The following NBAS variants were observed in gnomAD, a reference collection of about 807,000 sequenced individuals.
The protein encoded by NBAS is NBAS subunit of NRZ tethering complex.
NBAS carries 219 observed loss-of-function variants against 302.5 expected under a neutral mutation model. The ratio of observed to expected loss-of-function variants is 0.72; its 90% CI spans 0.65 to 0.81. The LOEUF is 0.81. Ranked by LOEUF, NBAS falls within the 30% of genes least tolerant of loss-of-function variation. The pLI is 0.00. For synonymous variants in NBAS, 1,118 were observed against 1,021.6 expected, an observed-to-expected ratio of 1.09 and a Z score of -1.80; for missense variants, 2,932 against 2,841.6, an observed-to-expected ratio of 1.03 and a Z score of -0.72.
the NBAS span, among the ~76,000 whole-genome samples, chr2:14,860,251 G>C: frequency 6.6e-6 from 1 of 152,090 alleles, no homozygotes; most frequent in African/African-American, 2.4e-5. Flanking sequence ...ATTAACTATA[G>C]CCACTATAGA....
chr2:15,169,329 C>G (rs1289820085), intron 51 of NBAS, among the ~76,000 whole-genome samples: 1 of 152,190 alleles, frequency 6.6e-6, no homozygotes, highest in Non-Finnish European at 1.5e-5. Flanking sequence ...GTTCAATGGA[C>G]TTGCTTTTGT....
At position 15,374,578 on chromosome 2, in the gene NBAS, T is replaced by C. The variant is rs774798856; in HGVS notation, c.3703+30A>G. The C allele has an allele frequency of 1.5e-5, 24 of 1,555,724 alleles. No individual in the cohort carries two copies. The South Asian group carries it at 2.3e-4, about 15-fold the overall frequency. ...AGTAAATTGCTGCAATATAAGTTAG[T>C]AACAATGCAACAGTAAGTAGAAAAC... On this transcript the variant is annotated intron_variant, in intron 31 of 51. Transcript: ENST00000281513.
chr2:15,305,112 G>A (rs1414199892), intron 40 of NBAS, among the ~76,000 whole-genome samples: 3 of 152,118 alleles, frequency 2.0e-5, no homozygotes, highest in Non-Finnish European at 4.4e-5. Context: ...GAGGCCAGAG[G>A]CAGAATGATA....
intron 48 of NBAS, among the ~76,000 whole-genome samples, chr2:15,199,336 C>T (rs1040621866): frequency 1.3e-5 from 2 of 151,964 alleles, no homozygotes; most frequent in African/African-American, 2.4e-5. Flanking sequence ...AATTTGAATT[C>T]GCCAAAATAC....
chr2:15,175,561 TACGGTTTTGAAA>T (rs1305747699), intron 51 of NBAS, among the ~76,000 whole-genome samples: 1 of 152,138 alleles, frequency 6.6e-6, no homozygotes. Flanking sequence ...TTAGAGAGAA[TACGGTTTTGAAA>T]GTGAGCTCTC....
intron 44 of NBAS, among the ~76,000 whole-genome samples, chr2:15,246,907 C>G (rs1004848666): frequency 1.3e-5 from 2 of 152,152 alleles, no homozygotes; most frequent in African/African-American, 4.8e-5. Flanking sequence ...GCATGATCAT[C>G]CTACAACTAC....
At chr2:15,065,691 AG>A in the NBAS span, among the ~76,000 whole-genome samples, 1 of 151,792 alleles carries the variant, frequency 6.6e-6, no homozygotes, top group Non-Finnish European at 1.5e-5. Context: ...AGGAGGCAAA[AG>A]TCTCCTTGGA....
At chr2:14,891,329 A>G in the NBAS span, among the ~76,000 whole-genome samples, 18 of 151,742 alleles carry the variant, frequency 1.2e-4, no homozygotes, top group Non-Finnish European at 2.4e-4. Context: ...GTGCTTTAAA[A>G]TGTTTGATTT....
At chr2:15,436,009 C>G (rs1329478787) in intron 21 of NBAS, among the ~76,000 whole-genome samples, 1 of 152,068 alleles carries the variant, frequency 6.6e-6, no homozygotes, top group African/African-American at 2.4e-5. Context: ...ATCAAACACC[C>G]TAAAAGGTAT....
the NBAS span, among the ~76,000 whole-genome samples, chr2:14,893,422 A>C: frequency 3.9e-5 from 6 of 152,004 alleles, no homozygotes; most frequent in Non-Finnish European, 8.8e-5. Flanking sequence ...TTCTTTTTCT[A>C]ATTTTTAAGA....
intron 41 of NBAS, among the ~76,000 whole-genome samples, chr2:15,292,320 T>C (rs1670341422): frequency 6.6e-6 from 1 of 152,158 alleles, no homozygotes; most frequent in Non-Finnish European, 1.5e-5. Context: ...TTAAACATCA[T>C]GGGAAACTTT....
At position 15,356,344 on chromosome 2, in the gene NBAS, T is replaced by C. The variant is rs373316555; in HGVS notation, c.3890A>G (p.Tyr1297Cys). ...CTGACAATGCATACTGGCTGCTTTG[T>C]AGTCATGGAAGCGAAGTGCCTGCTC... Reference protein sequence around the residue: ...LVEQALRFHDYKAASMHCQEL... With the variant: ...LVEQALRFHDCKAASMHCQEL... The change falls in exon 33 of 52, where the codon TAC (tyrosine) becomes TGC (cysteine). Residue 1297 changes from tyrosine to cysteine, a missense_variant. Physicochemically the swap from Tyr to Cys is radical, Grantham distance 194 (BLOSUM62 -2). Coordinates refer to ENST00000281513, the MANE Select transcript of NBAS (RefSeq NM_015909.4). The C allele has an allele frequency of 1.2e-6, 2 of 1,613,880 alleles. No individual in the cohort carries two copies. The highest frequency in any genetic ancestry group is 1.7e-5 in the Admixed American group (1 of 60,006).
chr2:15,183,517 T>C (rs1664927478), intron 50 of NBAS, among the ~76,000 whole-genome samples: 1 of 152,248 alleles, frequency 6.6e-6, no homozygotes, highest in African/African-American at 2.4e-5. Flanking sequence ...TTATGTGCTA[T>C]GGATGAAGCA....
rs757003425 is a variant in NBAS, at chr2:15,467,758, C to T, written c.1924G>A (p.Glu642Lys). 8 of 1,599,450 alleles carry T rather than the reference C, an allele frequency of 5.0e-6. No homozygotes were observed. The East Asian group carries it at 1.6e-4, about 31-fold the overall frequency. Residue 642 changes from glutamate (E) to lysine (K), a missense_variant, in exon 18 of 52, where the codon GAG becomes AAG. Physicochemically the swap from Glu to Lys is moderately conservative, Grantham distance 56 (BLOSUM62 1). Coordinates refer to ENST00000281513, the MANE Select transcript of NBAS (RefSeq NM_015909.4). ...EIDIDSISYE[E>K]LSPPDEEPAK... ...GGCTCTTCATCAGGTGGTGAAAGCT[C>T]TTCATAGGAGATACTGTCAATGTCT...
At chr2:14,990,124 T>A in the NBAS span, among the ~76,000 whole-genome samples, 1 of 152,006 alleles carries the variant, frequency 6.6e-6, no homozygotes, top group East Asian at 1.9e-4. Flanking sequence ...CTTAAATTGT[T>A]AAAACAGGCC....
At chr2:14,980,705 A>C in the NBAS span, among the ~76,000 whole-genome samples, 1 of 152,212 alleles carries the variant, frequency 6.6e-6, no homozygotes, top group Non-Finnish European at 1.5e-5. Flanking sequence ...ATGGACTCTC[A>C]CGTGAAATGG....
chr2:15,098,697 ATATAT>A, the NBAS span, among the ~76,000 whole-genome samples: 2 of 136,234 alleles, frequency 1.5e-5, no homozygotes, highest in African/African-American at 2.7e-5. Flanking sequence ...ATTGTATATA[ATATAT>A]TATATACATT....
intron 28 of NBAS, among the ~76,000 whole-genome samples, chr2:15,383,601 ATTACAG>A (rs1173997725): frequency 6.6e-6 from 1 of 152,224 alleles, no homozygotes; most frequent in African/African-American, 2.4e-5. Context: ...TTGAATGGTA[ATTACAG>A]TAAAGGTAAA....
At chr2:15,251,684 G>A (rs1668371368) in intron 44 of NBAS, among the ~76,000 whole-genome samples, 1 of 152,122 alleles carries the variant, frequency 6.6e-6, no homozygotes, top group African/African-American at 2.4e-5. Context: ...AAACTGTCAC[G>A]ACGCTGGTGG....
Sources: allele counts gnomAD v4.1 joint callset (sites outside exome capture counted in the v4.1 genomes callset), GRCh38; gene constraint gnomAD v4.1.1; transcripts MANE v1.5; gene names NCBI Gene and HGNC (gene_info 2026-07-23, HGNC 2026-07-21).